The following HIP1 variants were observed in gnomAD, a reference collection of about 807,000 sequenced individuals.
HIP1 encodes the protein huntingtin interacting protein 1.
In HIP1, 65 loss-of-function variants were observed where a neutral mutation model predicts 147.6. The ratio of observed to expected loss-of-function variants is 0.44; its 90% CI spans 0.36 to 0.54. The LOEUF (loss-of-function observed/expected upper bound fraction) is 0.54. Ranked by LOEUF, HIP1 falls within the 20% of genes least tolerant of loss-of-function variation. HIP1 has a pLI of 0.00. For missense variants in HIP1, 1,061 were observed against 1,299.6 expected (o/e 0.82, Z 2.82); for synonymous variants, 479 against 504.0 (o/e 0.95, Z 0.67).
chr7:75,635,579 A>C (rs1336293346), intron 1 of HIP1, among the ~76,000 whole-genome samples: 3 of 99,610 alleles, frequency 3.0e-5, no homozygotes, highest in Non-Finnish European at 7.7e-5. Flanking sequence ...CTCCATCTCA[A>C]AAAAAAAAAA....
intron 1 of HIP1, among the ~76,000 whole-genome samples, chr7:75,639,455 C>T (rs1267189414): frequency 2.6e-5 from 4 of 151,702 alleles, no homozygotes; most frequent in Non-Finnish European, 5.9e-5. Context: ...CCCCCGGGCT[C>T]GCACGGCGAG....
chr7:75,725,484 A>C (rs1416579063), intron 1 of HIP1, among the ~76,000 whole-genome samples: 1 of 151,770 alleles, frequency 6.6e-6, no homozygotes, highest in African/African-American at 2.4e-5. Context: ...CCAATCACCA[A>C]CCTCCCCTGC....
chr7:75,656,161 T>A (rs539344991), intron 1 of HIP1, among the ~76,000 whole-genome samples: 2 of 152,124 alleles, frequency 1.3e-5, no homozygotes, highest in East Asian at 3.9e-4. Context: ...ATGGCAAACT[T>A]TATGTTATAT....
chr7:75,586,884 A>T (rs1167787), intron 4 of HIP1, 51 bp from the exon 5 acceptor site: 13 of 1,079,608 alleles, frequency 1.2e-5, no homozygotes, highest in Non-Finnish European at 1.7e-5. Flanking sequence ...CATAACAGTC[A>T]AGAGATCTGC....
At chr7:75,541,768 T>G (rs1238924268) in intron 29 of HIP1, 151 bp downstream of exon 29, 5 of 574,984 alleles carry the variant, frequency 8.7e-6, no homozygotes, top group Non-Finnish European at 1.3e-5. Flanking sequence ...CTTCTCTACC[T>G]CCACTGTTTC....
rs1278997216 is a variant in HIP1 at position 75,554,467 on chromosome 7, A to G, written c.2023T>C (p.Trp675Arg). ...TCTGGGCAGGCCAGATACTGGCTCC[A>G]GCTTTTCTCCAGTTGCTCGATGCAG... ...SSCIEQLEKS[W>R]SQYLACPEDI... is the part of the protein sequence containing the mutation. The change falls in exon 20 of 31, where the codon TGG becomes CGG. Residue 675 changes from tryptophan (W) to arginine (R), a missense_variant. Trp to Arg is a moderately radical substitution (Grantham distance 101, BLOSUM62 -3). This residue lies in a region of HIP1 where 810 missense variants were observed against 946.8 expected (regional missense o/e 0.86). Transcript: ENST00000336926. The G allele has an allele frequency of 3.1e-6, 5 of 1,613,880 alleles. No homozygotes were observed. The highest frequency in any genetic ancestry group is 4.2e-6 in the Non-Finnish European group (5 of 1,179,930).
At chr7:75,649,825 T>A (rs1456912799) in intron 1 of HIP1, among the ~76,000 whole-genome samples, 1 of 152,172 alleles carries the variant, frequency 6.6e-6, no homozygotes, top group African/African-American at 2.4e-5. Context: ...AGCTCCCACC[T>A]GGAATTTTCC....
chr7:75,622,988 A>G (rs1797904212), intron 1 of HIP1, among the ~76,000 whole-genome samples: 1 of 151,942 alleles, frequency 6.6e-6, no homozygotes, highest in African/African-American at 2.4e-5. Flanking sequence ...ACCTGAGGTC[A>G]GGAGTTTGAG....
chr7:75,659,468 G>A (rs1799238726), intron 1 of HIP1, among the ~76,000 whole-genome samples: 1 of 151,958 alleles, frequency 6.6e-6, no homozygotes, highest in Admixed American at 6.6e-5. Flanking sequence ...GGCCAACCTG[G>A]CAAAACCCCG....
intron 8 of HIP1, among the ~76,000 whole-genome samples, chr7:75,571,301 T>C (rs1400399866): frequency 4.6e-5 from 7 of 152,086 alleles, no homozygotes; most frequent in African/African-American, 1.7e-4. Flanking sequence ...ATGAAAAGTT[T>C]CCAGGGGAAA....
intron 1 of HIP1, among the ~76,000 whole-genome samples, chr7:75,728,082 C>G (rs1306420072): frequency 1.3e-5 from 2 of 152,194 alleles, no homozygotes; most frequent in Non-Finnish European, 2.9e-5. Context: ...CCACAACCAT[C>G]TACTGCATGC....
At chr7:75,617,725 C>T (rs781870746) in intron 1 of HIP1, among the ~76,000 whole-genome samples, 52 of 152,210 alleles carry the variant, frequency 3.4e-4, no homozygotes, top group Non-Finnish European at 1.0e-4. Context: ...CTCCTCTCAC[C>T]CACAGGGAGC....
In HIP1 at chr7:75,658,678, G is replaced by C. The variant is rs1454870566; in HGVS notation, c.121-59431C>G. 2.0e-5 allele frequency among the ~76,000 whole-genome samples: 3 copies of C among 152,082 alleles called. No individual in the cohort carries two copies. The South Asian group carries it at 6.2e-4, about 31-fold the overall frequency. On this transcript the variant is annotated intron_variant, in intron 1 of 30. Transcript: ENST00000336926. ...TGCCTGTAATCCCAACACTTTGGGA[G>C]GCCGAGGTAGCAGGATCACTTGAGC...
At chr7:75,601,627 AG>A (rs1554502963) in intron 1 of HIP1, among the ~76,000 whole-genome samples, 2 of 151,538 alleles carry the variant, frequency 1.3e-5, no homozygotes, top group Non-Finnish European at 2.9e-5. Context: ...AAAAAAAAAA[AG>A]AAAAAGAAAG....
intron 1 of HIP1, among the ~76,000 whole-genome samples, chr7:75,601,622 AAAAAAG>A (rs1156541074): frequency 9.2e-6 from 1 of 108,540 alleles, no homozygotes; most frequent in Non-Finnish European, 2.3e-5. Context: ...ACAACAAAAA[AAAAAAG>A]AAAAAGAAAG....
At chr7:75,660,056 G>T (rs1469368601) in intron 1 of HIP1, among the ~76,000 whole-genome samples, 1 of 151,726 alleles carries the variant, frequency 6.6e-6, no homozygotes, top group Admixed American at 6.6e-5. Context: ...AACCGGAGAA[G>T]CGGAGGTTGC....
chr7:75,637,536 ATTTTTTTTT>A (rs869251770), intron 1 of HIP1, among the ~76,000 whole-genome samples: 2,731 of 70,966 alleles, frequency 0.038, 80 homozygotes, highest in Middle Eastern at 0.12. Flanking sequence ...TGCAGAGAGG[ATTTTTTTTT>A]TTTTTTTTTT....
chr7:75,554,447 G>A lies in HIP1; in HGVS notation c.2043C>T (p.Cys681=). 6.2e-7 allele frequency: 1 copy of A among 1,612,968 alleles called. No individual in the cohort carries two copies. Among genetic ancestry groups the A allele is most frequent in the Non-Finnish European group, 8.5e-7 (1 of 1,179,032 alleles). Residue 681 remains cysteine (C), a synonymous_variant, in exon 20 of 31, where the codon TGC becomes TGT. Coordinates refer to ENST00000336926, the MANE Select transcript of HIP1 (RefSeq NM_005338.7). ...GTCCTTGGCCATTCTTACCTTCTGG[G>A]CAGGCCAGATACTGGCTCCAGCTTT... The part of the protein sequence containing the change: ...LEKSWSQYLA[C]PEDISGLLHS...
At chr7:75,582,956 A>G (rs1344411246) in intron 5 of HIP1, among the ~76,000 whole-genome samples, 3 of 152,050 alleles carry the variant, frequency 2.0e-5, no homozygotes, top group South Asian at 4.1e-4. Context: ...CTCTGACCTC[A>G]ATTTCAGCAC....
Sources: allele counts gnomAD v4.1 joint callset (sites outside exome capture counted in the v4.1 genomes callset), GRCh38; gene constraint gnomAD v4.1.1; regional missense constraint gnomAD v4.1.1; transcripts MANE v1.5; gene names NCBI Gene and HGNC (gene_info 2026-07-23, HGNC 2026-07-21).